DST: variants seen among roughly 807,000 people sequenced by gnomAD.
The protein encoded by DST is bullous pemphigoid antigen.
In DST, 253 loss-of-function variants were observed where a neutral mutation model predicts 875.2. The ratio of observed to expected loss-of-function variants is 0.29; its 90% CI spans 0.26 to 0.32. The LOEUF is 0.32. Among genes scored for constraint, DST ranks in the 10% least tolerant of loss-of-function variants. The probability of loss-of-function intolerance (pLI) is 1.00; values close to 1 mark genes in which losing one functional copy is unlikely to be tolerated. For synonymous variants in DST, 3,124 were observed against 3,197.1 expected, an observed-to-expected ratio of 0.98 and a Z score of 0.77; for missense variants, 8,287 against 9,111.6, an observed-to-expected ratio of 0.91 and a Z score of 3.68.
rs1563138987 is a variant in DST, at chr6:56,606,512, T to G, written c.8116A>C (p.Ile2706Leu). The stretch of plus-strand genomic sequence containing the variant: ...TCTGAGCCAACAGGATTTAAATGTA[T>G]TTTTTCACCAGAATCTAATTCATCT... Reference protein sequence around the residue: ...EKDELDSGEKIHLNPVGSDKV... With the variant: ...EKDELDSGEKLHLNPVGSDKV... Residue 2706 changes from isoleucine (I) to leucine (L), a missense_variant, in exon 40 of 104, where the codon ATA becomes CTA. Around this residue, in one of 10 missense-constraint regions of DST, gnomAD observed 3,138 missense variants for 3,116.6 expected, o/e 1.01. Coordinates refer to ENST00000680361, the MANE Select transcript of DST (RefSeq NM_001374736.1). The G allele has an allele frequency of 6.2e-7, 1 of 1,613,372 alleles. No homozygotes were observed. Among genetic ancestry groups the G allele is most frequent in the Non-Finnish European group, 8.5e-7 (1 of 1,179,526 alleles).
At chr6:56,531,232 G>T (rs1218166764) in intron 64 of DST, among the ~76,000 whole-genome samples, 1 of 152,104 alleles carries the variant, frequency 6.6e-6, no homozygotes, top group Non-Finnish European at 1.5e-5. Context: ...CACTTACTAT[G>T]ATTTAAACTG....
chr6:56,600,312 T>C (rs1188457644), intron 44 of DST, 91 bp from the exon 45 acceptor site: 15 of 1,259,922 alleles, frequency 1.2e-5, no homozygotes, highest in Middle Eastern at 2.0e-4. Flanking sequence ...ATTTTCCAAG[T>C]TTTGTCTAAT....
Position 56,755,780 on chromosome 6 carries a change from A to C in DST, c.626-20491T>G, listed in dbSNP as rs548812316. 5.2e-5 allele frequency among the ~76,000 whole-genome samples: 8 copies of C among 152,382 alleles called. 1 individual carries two copies. In the South Asian group the frequency reaches 1.4e-3, roughly 28 times the overall value. ...TTTATCAGCCTAAAAAAGAGATTAT[A>C]GAAATTCTATAAAAAGACAGGAATA... On this transcript the variant is annotated intron_variant, in intron 4 of 103. Transcript: ENST00000680361.
intron 36 of DST, chr6:56,615,324 A>G (rs1170866499): frequency 1.4e-6 from 2 of 1,414,554 alleles, no homozygotes; most frequent in African/African-American, 2.9e-5. Flanking sequence ...AACCATTTGA[A>G]GGGCATTAAA....
intron 67 of DST, among the ~76,000 whole-genome samples, chr6:56,528,602 T>C (rs1047562429): frequency 6.6e-6 from 1 of 152,222 alleles, no homozygotes; most frequent in East Asian, 1.9e-4. Context: ...TGTGCCAAAG[T>C]GCTTTATGTT....
At chr6:56,668,092 A>G (rs773829031) in intron 10 of DST, among the ~76,000 whole-genome samples, 23 of 152,184 alleles carry the variant, frequency 1.5e-4, no homozygotes, top group Non-Finnish European at 2.2e-4. Context: ...AAAAAACTTC[A>G]AAGGAGAGAG....
At chr6:56,668,697 G>A (rs897126939) in intron 10 of DST, among the ~76,000 whole-genome samples, 10 of 152,050 alleles carry the variant, frequency 6.6e-5, no homozygotes, top group Non-Finnish European at 1.2e-4. Context: ...GAACCTGGGA[G>A]GCAGAGGTTG....
intron 10 of DST, among the ~76,000 whole-genome samples, chr6:56,667,506 C>T (rs986971241): frequency 6.6e-6 from 1 of 152,122 alleles, no homozygotes; most frequent in African/African-American, 2.4e-5. Flanking sequence ...TTATAAGCCA[C>T]AGGACAACGA....
At chr6:56,624,346 C>T (rs1400710048) in intron 36 of DST, 184 bp downstream of exon 36, 4 of 681,684 alleles carry the variant, frequency 5.9e-6, no homozygotes, top group Non-Finnish European at 1.1e-5. Context: ...ATCTTAAAGA[C>T]AAACAAAAAT....
chr6:56,592,006 C>CG (rs1269788934), intron 49 of DST, among the ~76,000 whole-genome samples, 176 bp downstream of exon 49: 2 of 138,978 alleles, frequency 1.4e-5, no homozygotes, highest in Non-Finnish European at 3.2e-5. Context: ...AAAAAAAATT[C>CG]GGAAAAAAAA....
intron 10 of DST, among the ~76,000 whole-genome samples, chr6:56,668,926 GAA>G (rs1350299414): frequency 6.6e-6 from 1 of 151,772 alleles, no homozygotes; most frequent in East Asian, 1.9e-4. Context: ...GAAGAAAGAG[GAA>G]AGAGAGGAAG....
intron 2 of DST, among the ~76,000 whole-genome samples, chr6:56,906,518 G>C (rs917839857): frequency 5.3e-5 from 8 of 152,094 alleles, no homozygotes; most frequent in Non-Finnish European, 1.2e-4. Context: ...GCCAAGGGAA[G>C]AGTCATTAGC....
chr6:56,668,150 C>T (rs991428701), intron 10 of DST, among the ~76,000 whole-genome samples: 2 of 152,194 alleles, frequency 1.3e-5, no homozygotes, highest in Non-Finnish European at 2.9e-5. Flanking sequence ...TTAGGTATCA[C>T]AATTGAAATA....
Position 56,628,000 on chromosome 6 carries a change from T to C in DST, c.4637A>G (p.Lys1546Arg). 1 of 1,613,634 alleles carries C rather than the reference T, an allele frequency of 6.2e-7. No individual in the cohort carries two copies. ...KTLATQLNQQ[K>R]MLVSEIEMKQ... ...GTAGAGGGAATTATTTTTACATACC[T>C]TCTGTTGATTCAACTGTGTGGCTAG... The change falls in exon 33 of 104, where the codon AAG becomes AGG. Residue 1546 changes from lysine (K) to arginine (R), a missense_variant and splice_region_variant. Lys to Arg is a conservative substitution (Grantham distance 26). Around this residue, in one of 10 missense-constraint regions of DST, gnomAD observed 3,138 missense variants for 3,116.6 expected, o/e 1.01. Transcript: ENST00000680361.
intron 3 of DST, among the ~76,000 whole-genome samples, chr6:56,892,200 C>T (rs534383594): frequency 2.6e-5 from 4 of 152,104 alleles, no homozygotes; most frequent in Non-Finnish European, 5.9e-5. Context: ...TGGCCCCTAA[C>T]TATTTTTTCC....
At chr6:56,906,598 A>G (rs1393435758) in intron 2 of DST, among the ~76,000 whole-genome samples, 2 of 152,090 alleles carry the variant, frequency 1.3e-5, no homozygotes, top group Non-Finnish European at 2.9e-5. Flanking sequence ...GATCAAATCA[A>G]TCTGTGAGCC....
At chr6:56,750,024 C>A (rs1358477257) in intron 4 of DST, among the ~76,000 whole-genome samples, 1 of 152,118 alleles carries the variant, frequency 6.6e-6, no homozygotes, top group East Asian at 1.9e-4. Flanking sequence ...CATCGCTGCA[C>A]CCCTCTCCCT....
intron 5 of DST, among the ~76,000 whole-genome samples, chr6:56,708,365 A>T (rs2099349521): frequency 6.6e-6 from 1 of 152,226 alleles, no homozygotes. Flanking sequence ...CTTAAGACTT[A>T]TGGCTTAATT....
chr6:56,732,958 C>G (rs1347075148), intron 5 of DST, among the ~76,000 whole-genome samples: 1 of 152,130 alleles, frequency 6.6e-6, no homozygotes, highest in Non-Finnish European at 1.5e-5. Flanking sequence ...GGGAACAGAA[C>G]CAGAAGATTT....
Sources: allele counts gnomAD v4.1 joint callset (sites outside exome capture counted in the v4.1 genomes callset), GRCh38; gene constraint gnomAD v4.1.1; regional missense constraint gnomAD v4.1.1; transcripts MANE v1.5; gene names NCBI Gene and HGNC (gene_info 2026-07-23, HGNC 2026-07-21).